Variants in SRPRA observed in about 807,000 individuals in gnomAD.
SRPRA encodes the protein SRP receptor subunit alpha.
Under a neutral mutation model 61.1 loss-of-function variants are expected in SRPRA, and 30 were observed. That is an observed-to-expected ratio of 0.49 (90% confidence interval 0.37 to 0.67). The LOEUF is 0.67. Ranked by LOEUF, SRPRA falls within the 30% of genes least tolerant of loss-of-function variation. The pLI is 0.00. For missense variants in SRPRA, 759 were observed against 828.4 expected (o/e 0.92, Z 1.03); for synonymous variants, 324 against 299.7 (o/e 1.08, Z -0.84).
At chr11:126,268,565 C>T in intron 1 of SRPRA, 123 bp downstream of exon 1, 1 of 725,962 alleles carries the variant, frequency 1.4e-6, no homozygotes, top group Non-Finnish European at 2.3e-6. Flanking sequence ...GTCCGGGTTA[C>T]GCGTGAGTGG....
At chr11:126,253,525 A>T in the SRPRA span, among the ~76,000 whole-genome samples, 1 of 152,202 alleles carries the variant, frequency 6.6e-6, no homozygotes, top group Non-Finnish European at 1.5e-5. This position sits in a 1 kb window ranked among gnomAD's most constrained non-coding sequence, Gnocchi z 5.1. Flanking sequence ...TCTATCACTT[A>T]TCTATTGCTG....
At chr11:126,240,837 G>T in the SRPRA span, 1 of 1,612,960 alleles carries the variant, frequency 6.2e-7, no homozygotes, top group East Asian at 2.2e-5. Context: ...GAGAACTTGT[G>T]CTAGTGATTG....
chr11:126,265,555 G>C lies in SRPRA; in HGVS notation c.1139-115C>G. 1 of 1,304,246 alleles carries C rather than the reference G, an allele frequency of 7.7e-7. No individual in the cohort carries two copies. The highest frequency in any genetic ancestry group is 1.1e-6 in the Non-Finnish European group (1 of 949,244). 80.8% of individuals were successfully genotyped at this position (1,304,246 alleles called of 1,614,324 possible). On this transcript the variant is annotated intron_variant, in intron 9 of 13. Coordinates refer to ENST00000332118, the MANE Select transcript of SRPRA (RefSeq NM_003139.4). This position sits in a 1 kb window ranked among gnomAD's most constrained non-coding sequence, Gnocchi z 6.3. ...AACAGTAAATTAGACTCTTGTCCCA[G>C]AAATCCAGAACAGACGCACATTACA...
At position 126,268,857 on chromosome 11, in the gene SRPRA, G is replaced by T. The variant is rs1034542322; in HGVS notation, c.-53C>A. 1.6e-5 allele frequency: 23 copies of T among 1,452,298 alleles called. No individual in the cohort carries two copies. The African/African-American group carries it at 2.8e-4, about 18-fold the overall frequency. 90.0% of individuals were successfully genotyped at this position (1,452,298 alleles called of 1,614,324 possible). A position where few individuals can be genotyped will look rare whatever the true frequency, so the allele number is the denominator to read the frequency against. On this transcript the variant is annotated 5_prime_UTR_variant, in exon 1 of 14. Coordinates refer to ENST00000332118, the MANE Select transcript of SRPRA (RefSeq NM_003139.4). ...GGCGCCGGGAATTCAGGCCGCGTTCGCCGCCGCTTCCTGCTGCGCCAAGCG... is the reference window on the plus strand; with the variant it reads ...GGCGCCGGGAATTCAGGCCGCGTTCTCCGCCGCTTCCTGCTGCGCCAAGCG...
rs1236669933 is a variant in SRPRA at position 126,268,888 on chromosome 11, C to T, written c.-84G>A. ...GCTTCCTGCTGCGCCAAGCGCGGGA[C>T]ACGTCACACCAGTGGCCCCGGAAAT... On this transcript the variant is annotated 5_prime_UTR_variant, in exon 1 of 14. Coordinates refer to ENST00000332118, the MANE Select transcript of SRPRA (RefSeq NM_003139.4). 3 of 1,140,702 alleles carry T rather than the reference C, an allele frequency of 2.6e-6. No homozygotes were observed. Among genetic ancestry groups the T allele is most frequent in the African/African-American group, 1.5e-5 (1 of 65,520 alleles). The allele number at this position is 1,140,702 out of a possible 1,614,324, so 70.7% of individuals were successfully genotyped here. A position where few individuals can be genotyped will look rare whatever the true frequency, so the allele number is the denominator to read the frequency against.
At chr11:126,243,729 C>T in the SRPRA span, among the ~76,000 whole-genome samples, 2 of 151,962 alleles carry the variant, frequency 1.3e-5, no homozygotes, top group Admixed American at 6.6e-5. Flanking sequence ...CATGGCAAAA[C>T]CCTGTCTCTA....
At chr11:126,266,143 G>GT in intron 7 of SRPRA, 44 bp downstream of exon 7, 2 of 1,612,596 alleles carry the variant, frequency 1.2e-6, no homozygotes, top group Non-Finnish European at 1.7e-6. Flanking sequence ...TATCTTACCA[G>GT]TTTTGCAGAT....
chr11:126,266,526 G>A lies in SRPRA; in HGVS notation c.790C>T (p.Pro264Ser). 6.2e-7 allele frequency: 1 copy of A among 1,614,200 alleles called. No individual in the cohort carries two copies. The highest frequency in any genetic ancestry group is 8.5e-7 in the Non-Finnish European group (1 of 1,180,024). Residue 264 changes from proline (P) to serine (S), a missense_variant, in exon 6 of 14, where the codon CCC becomes TCC. Coordinates refer to ENST00000332118, the MANE Select transcript of SRPRA (RefSeq NM_003139.4). ...GCCTCAGGGGTTCCATTGGTGGTGG[G>A]AGTACTGTAATCCAACACTTCTTTG... is the stretch of plus-strand genomic sequence containing the variant. ...ANKEVLDYST[P>S]TTNGTPEAAL...
chr11:126,266,668 G>A, intron 5 of SRPRA, 39 bp from the exon 6 acceptor site: 1 of 1,609,734 alleles, frequency 6.2e-7, no homozygotes, highest in Non-Finnish European at 8.5e-7. Context: ...TGGTGGAGAA[G>A]TAGGAAAGGA....
At position 126,265,452 on chromosome 11, in the gene SRPRA, G is replaced by C. The variant is rs200534208; in HGVS notation, c.1139-12C>G. 1.0e-3 allele frequency: 1,624 copies of C among 1,605,904 alleles called. No individual in the cohort carries two copies. Among genetic ancestry groups the C allele is most frequent in the Non-Finnish European group, 1.3e-3 (1,484 of 1,175,478 alleles). On this transcript the variant is annotated splice_polypyrimidine_tract_variant and intron_variant, in intron 9 of 13. Coordinates refer to ENST00000332118, the MANE Select transcript of SRPRA (RefSeq NM_003139.4). The surrounding 1 kb of genome is among the most constrained non-coding windows in gnomAD (Gnocchi z 6.3). ...TGTGGAAGTCACCGCTGAAAGGGGAGGTGGAGGAGGTTGCAGCTGTGAAAC... is the reference window on the plus strand; with the variant it reads ...TGTGGAAGTCACCGCTGAAAGGGGACGTGGAGGAGGTTGCAGCTGTGAAAC...
downstream of SRPRA, among the ~76,000 whole-genome samples, chr11:126,258,717 A>T (rs528655782): frequency 1.3e-5 from 2 of 152,358 alleles, no homozygotes; most frequent in South Asian, 4.1e-4. Context: ...TGTTTTCATT[A>T]ACAAGACATA....
chr11:126,247,605 A>T, the SRPRA span, among the ~76,000 whole-genome samples: 1 of 152,082 alleles, frequency 6.6e-6, no homozygotes, highest in Non-Finnish European at 1.5e-5. Context: ...CACGCCTGCA[A>T]TCCCAACACT....
the SRPRA span, among the ~76,000 whole-genome samples, chr11:126,240,488 T>G: frequency 6.6e-6 from 1 of 152,188 alleles, no homozygotes; most frequent in Non-Finnish European, 1.5e-5. Flanking sequence ...TGAGCTATAG[T>G]CTATTTGGAT....
At chr11:126,262,277 G>A (rs1332821226), downstream of SRPRA, 2 of 805,776 alleles carry the variant, frequency 2.5e-6, no homozygotes, top group East Asian at 2.7e-5. Flanking sequence ...AGAAGAGGGG[G>A]GAATGTTGCA....
chr11:126,267,745 C>T lies in SRPRA; in HGVS notation c.202-33G>A, dbSNP rs770824191. 1.2e-6 allele frequency: 2 copies of T among 1,612,732 alleles called. No homozygotes were observed. Among genetic ancestry groups the T allele is most frequent in the Non-Finnish European group, 1.7e-6 (2 of 1,179,256 alleles). On this transcript the variant is annotated intron_variant, in intron 2 of 13. Coordinates refer to ENST00000332118, the MANE Select transcript of SRPRA (RefSeq NM_003139.4). This position sits in a 1 kb window ranked among gnomAD's most constrained non-coding sequence, Gnocchi z 4.2. Reference sequence around the variant, plus strand: ...GGGGAAGAAACAGCCAACAGATCTGCTTACATACTAGCCTAGAATGGAGGG... The same window carrying T: ...GGGGAAGAAACAGCCAACAGATCTGTTTACATACTAGCCTAGAATGGAGGG...
At chr11:126,241,553 T>C in the SRPRA span, among the ~76,000 whole-genome samples, 10 of 151,962 alleles carry the variant, frequency 6.6e-5, no homozygotes, top group African/African-American at 2.2e-4. Context: ...TTTATTTATT[T>C]ATTTATTTAT....
the SRPRA span, among the ~76,000 whole-genome samples, chr11:126,251,561 C>T: frequency 3.9e-5 from 6 of 152,148 alleles, no homozygotes; most frequent in African/African-American, 7.2e-5. Flanking sequence ...AAGTGTCTTC[C>T]GCCTACGCCC....
chr11:126,256,656 C>A, the SRPRA span: 1 of 1,614,184 alleles, frequency 6.2e-7, no homozygotes, highest in East Asian at 2.2e-5. The surrounding 1 kb of genome is among the most constrained non-coding windows in gnomAD (Gnocchi z 6.6). Context: ...AGGCCCTTTT[C>A]TTGGAGGCTG....
rs1417093254 is a variant in SRPRA at position 126,267,818 on chromosome 11, G to A, written c.202-106C>T. The A allele has an allele frequency of 6.6e-7, 1 of 1,512,298 alleles. No homozygotes were observed. The allele number at this position is 1,512,298 out of a possible 1,614,324, so 93.7% of individuals were successfully genotyped here. A position where few individuals can be genotyped will look rare whatever the true frequency, so the allele number is the denominator to read the frequency against. On this transcript the variant is annotated intron_variant, in intron 2 of 13. Transcript: ENST00000332118. This position sits in a 1 kb window ranked among gnomAD's most constrained non-coding sequence, Gnocchi z 4.2. ...CAGAGATAGGTTCAGCTACCTGGCC[G>A]GTTTCCCTGTCCTGAGAGGCAGCCA...
Sources: gnomAD v4.1 joint callset for allele counts (sites outside exome capture counted in the v4.1 genomes callset) on GRCh38, gnomAD v4.1.1 for gene constraint, Gnocchi (gnomAD v3.1) non-coding constraint, MANE v1.5 for transcripts, NCBI Gene and HGNC (gene_info 2026-07-23, HGNC 2026-07-21) for gene names.